LRRC4C: variants seen among roughly 807,000 people sequenced by gnomAD.
LRRC4C encodes the protein leucine-rich repeat-containing protein 4C.
A neutral mutation model predicts 33.6 loss-of-function variants in LRRC4C; 5 were observed. The observed-to-expected ratio is 0.15, with a 90% confidence interval of 0.08 to 0.31. The LOEUF (loss-of-function observed/expected upper bound fraction) is 0.31, where lower values mean the gene tolerates loss of function less well. LRRC4C is among the 10% of genes least tolerant of loss of function. The pLI, the probability that LRRC4C is intolerant of heterozygous loss-of-function variation, is 1.00. For synonymous variants in LRRC4C, 329 were observed against 302.0 expected, an observed-to-expected ratio of 1.09 and a Z score of -0.93; for missense variants, 560 against 796.7, an observed-to-expected ratio of 0.70 and a Z score of 3.58.
chr11:40,875,169 A>G (rs1651339386), intron 2 of LRRC4C, among the ~76,000 whole-genome samples: 1 of 152,156 alleles, frequency 6.6e-6, no homozygotes, highest in Non-Finnish European at 1.5e-5. Context: ...AAATTTACAC[A>G]ATAGAAATAT....
intron 5 of LRRC4C, among the ~76,000 whole-genome samples, chr11:40,201,192 C>G (rs141408126): frequency 3.3e-5 from 5 of 152,282 alleles, no homozygotes; most frequent in African/African-American, 1.2e-4. Flanking sequence ...CCAGGCTCAG[C>G]CTTCAAATTC....
intron 1 of LRRC4C, among the ~76,000 whole-genome samples, chr11:41,102,656 G>T (rs77464436): frequency 1.7e-3 from 261 of 152,014 alleles, no homozygotes; most frequent in African/African-American, 5.9e-3. Flanking sequence ...TACTATATTT[G>T]GGTTATTCAA....
intron 1 of LRRC4C, among the ~76,000 whole-genome samples, chr11:41,181,723 C>G (rs906968977): frequency 2.6e-5 from 4 of 152,164 alleles, no homozygotes; most frequent in Admixed American, 6.5e-5. Flanking sequence ...CTACAGCAAT[C>G]TCATCTCTTT....
chr11:40,797,275 G>A (rs1029827572), intron 2 of LRRC4C, among the ~76,000 whole-genome samples: 5 of 152,088 alleles, frequency 3.3e-5, no homozygotes, highest in South Asian at 2.1e-4. Context: ...GTATGGGGTG[G>A]GCTGGAGTAG....
In LRRC4C at chr11:41,442,463, T is replaced by C. The variant is rs921599450; in HGVS notation, c.-496+16968A>G. The stretch of plus-strand genomic sequence containing the variant: ...TCTCTCTTTGTTGCTTTTTTCTTTT[T>C]TTTTTTTTTTTTTTTTTTTTTTTTG... On this transcript the variant is annotated intron_variant, in intron 1 of 6. Transcript: ENST00000528697. Among the ~76,000 whole-genome samples, 105 of 68,092 alleles carry C rather than the reference T, an allele frequency of 1.5e-3. 1 individual carries two copies. The highest frequency in any genetic ancestry group is 6.2e-3 in the African/African-American group (94 of 15,092). The allele number at this position is 68,092 out of a possible 152,430, so 44.7% of individuals were successfully genotyped here. A position where few individuals can be genotyped will look rare whatever the true frequency, so the allele number is the denominator to read the frequency against.
chr11:41,216,037 C>A (rs1190647154), intron 1 of LRRC4C, among the ~76,000 whole-genome samples: 1 of 152,190 alleles, frequency 6.6e-6, no homozygotes, highest in African/African-American at 2.4e-5. Context: ...AGGTTTCTTA[C>A]ATTACCTAAT....
chr11:40,539,094 C>T (rs867698212), intron 3 of LRRC4C, among the ~76,000 whole-genome samples: 3 of 152,082 alleles, frequency 2.0e-5, no homozygotes, highest in East Asian at 1.9e-4. Flanking sequence ...GAAGTATTGC[C>T]GACCAAGCTT....
At chr11:40,314,688 A>G (rs1467207711) in intron 4 of LRRC4C, among the ~76,000 whole-genome samples, 2 of 152,166 alleles carry the variant, frequency 1.3e-5, no homozygotes, top group African/African-American at 2.4e-5. Flanking sequence ...AAAATATGGT[A>G]TATATACTCA....
At chr11:41,167,884 C>T (rs1383118261) in intron 1 of LRRC4C, among the ~76,000 whole-genome samples, 2 of 152,112 alleles carry the variant, frequency 1.3e-5, no homozygotes, top group Non-Finnish European at 2.9e-5. Context: ...AGTAATTTGA[C>T]TAACTAATCA....
intron 3 of LRRC4C, among the ~76,000 whole-genome samples, chr11:40,471,703 G>T (rs1952947527): frequency 6.6e-6 from 1 of 150,654 alleles, no homozygotes; most frequent in African/African-American, 2.4e-5. Context: ...AAAAGCAGGG[G>T]TTGCAATCCT....
At chr11:40,992,323 G>A (rs905366500) in intron 1 of LRRC4C, among the ~76,000 whole-genome samples, 2 of 151,764 alleles carry the variant, frequency 1.3e-5, no homozygotes, top group Middle Eastern at 3.2e-3. Context: ...TGTTATTTAT[G>A]TTAAGATATA....
chr11:41,140,988 A>T (rs1352059102), intron 1 of LRRC4C, among the ~76,000 whole-genome samples: 1 of 152,162 alleles, frequency 6.6e-6, no homozygotes, highest in Admixed American at 6.5e-5. Flanking sequence ...CCTTTTATAC[A>T]ACGGGAGTAA....
chr11:41,168,133 GT>G (rs1327914298), intron 1 of LRRC4C, among the ~76,000 whole-genome samples: 3 of 152,148 alleles, frequency 2.0e-5, no homozygotes, highest in Non-Finnish European at 4.4e-5. Context: ...GACAAAGCAG[GT>G]AACCCAACCT....
intron 3 of LRRC4C, among the ~76,000 whole-genome samples, chr11:40,339,309 A>G (rs1279448695): frequency 6.6e-6 from 1 of 152,210 alleles, no homozygotes; most frequent in African/African-American, 2.4e-5. Context: ...ACAATATAAT[A>G]AAAATAGCAT....
intron 2 of LRRC4C, among the ~76,000 whole-genome samples, chr11:40,919,246 C>T (rs775609261): frequency 1.4e-4 from 21 of 152,120 alleles, no homozygotes; most frequent in Non-Finnish European, 2.9e-4. Flanking sequence ...AGCTGTATCA[C>T]AGTGTAGGGT....
chr11:40,154,222 C>A (rs1391222705), intron 5 of LRRC4C, among the ~76,000 whole-genome samples: 1 of 141,530 alleles, frequency 7.1e-6, no homozygotes, highest in Non-Finnish European at 1.5e-5. Context: ...TGTTTTCAGA[C>A]AAACAAATGC....
chr11:41,339,265 C>T lies in LRRC4C; in HGVS notation c.-496+120166G>A, dbSNP rs1951555052. On this transcript the variant is annotated intron_variant, in intron 1 of 6. Transcript: ENST00000528697. ...ATCTTTACTTTTACCAAGATTCTACCTAAATAAATAGCCCTGCCCTTGAAT... is the reference window on the plus strand; with the variant it reads ...ATCTTTACTTTTACCAAGATTCTACTTAAATAAATAGCCCTGCCCTTGAAT... Among the ~76,000 whole-genome samples, 3 of 152,114 alleles carry T rather than the reference C, an allele frequency of 2.0e-5. No individual in the cohort carries two copies. In the South Asian group the frequency reaches 6.2e-4, roughly 32 times the overall value.
chr11:41,043,079 T>A (rs1329024534), intron 1 of LRRC4C, among the ~76,000 whole-genome samples: 1 of 147,184 alleles, frequency 6.8e-6, no homozygotes, highest in Non-Finnish European at 1.5e-5. Flanking sequence ...TTTTTTTTTT[T>A]TTTTTTTTTT....
chr11:41,237,220 GC>G (rs1343044219), intron 1 of LRRC4C, among the ~76,000 whole-genome samples: 1 of 152,184 alleles, frequency 6.6e-6, no homozygotes. Flanking sequence ...TATTTTGAAA[GC>G]AGGTGTTACT....
Sources: gnomAD v4.1 joint callset for allele counts (sites outside exome capture counted in the v4.1 genomes callset) on GRCh38, gnomAD v4.1.1 for gene constraint, MANE v1.5 for transcripts, NCBI Gene and HGNC (gene_info 2026-07-23, HGNC 2026-07-21) for gene names.